BMPR1B: variants seen among roughly 807,000 people sequenced by gnomAD.
BMPR1B encodes the protein bone morphogenetic protein receptor type 1B.
In BMPR1B, 12 loss-of-function variants were observed where a neutral mutation model predicts 59.1. That is an observed-to-expected ratio of 0.20 (90% CI 0.13 to 0.33). BMPR1B has a LOEUF of 0.33. BMPR1B is among the 10% of genes least tolerant of loss of function. The pLI, the probability that BMPR1B is intolerant of heterozygous loss-of-function variation, is 1.00. For synonymous variants in BMPR1B, 237 were observed against 207.3 expected (o/e 1.14, Z -1.23); for missense variants, 550 against 610.9 (o/e 0.90, Z 1.05).
chr4:95,042,909 C>T (rs1725758662), intron 3 of BMPR1B, among the ~76,000 whole-genome samples: 1 of 152,022 alleles, frequency 6.6e-6, no homozygotes, highest in South Asian at 2.1e-4. Context: ...GGCGCGGTGG[C>T]TCACGCCTGT....
chr4:94,814,943 G>T (rs1290863768), intron 1 of BMPR1B, among the ~76,000 whole-genome samples: 1 of 150,864 alleles, frequency 6.6e-6, no homozygotes, highest in Admixed American at 6.6e-5. Flanking sequence ...CGCTCTTGTT[G>T]CCTAGGCTGG....
chr4:95,009,948 C>T (rs562790818), intron 3 of BMPR1B, among the ~76,000 whole-genome samples: 4 of 152,136 alleles, frequency 2.6e-5, no homozygotes, highest in East Asian at 3.9e-4. Flanking sequence ...ATAGTACAAC[C>T]GAGCGAGACC....
intron 10 of BMPR1B, among the ~76,000 whole-genome samples, chr4:95,139,496 G>A (rs1298882158): frequency 1.3e-5 from 2 of 152,232 alleles, no homozygotes; most frequent in Non-Finnish European, 2.9e-5. Context: ...TTGTTCAGCT[G>A]TACTCTGCCC....
At chr4:95,139,355 A>G (rs977428509) in intron 10 of BMPR1B, among the ~76,000 whole-genome samples, 2 of 152,156 alleles carry the variant, frequency 1.3e-5, no homozygotes, top group Non-Finnish European at 2.9e-5. Flanking sequence ...TAGGCTACTC[A>G]GGAGTCAGGG....
intron 2 of BMPR1B, among the ~76,000 whole-genome samples, chr4:94,976,653 G>C (rs1731045172): frequency 6.6e-6 from 1 of 152,122 alleles, no homozygotes; most frequent in African/African-American, 2.4e-5. Context: ...TTTGAATTAA[G>C]GTTCTTTGGA....
chr4:94,811,191 C>CCAAAA (rs1723799183), intron 1 of BMPR1B, among the ~76,000 whole-genome samples: 1 of 152,166 alleles, frequency 6.6e-6, no homozygotes, highest in Non-Finnish European at 1.5e-5. Flanking sequence ...GACATAAAGT[C>CCAAAA]CAGAACAGGT....
At chr4:95,033,531 C>T (rs1725030156) in intron 3 of BMPR1B, among the ~76,000 whole-genome samples, 1 of 151,944 alleles carries the variant, frequency 6.6e-6, no homozygotes, top group Admixed American at 6.6e-5. Context: ...TTTCCAATAC[C>T]ATTTGTTGGA....
intron 2 of BMPR1B, among the ~76,000 whole-genome samples, chr4:94,879,499 G>T (rs1010227243): frequency 4.6e-5 from 7 of 152,120 alleles, no homozygotes; most frequent in Non-Finnish European, 1.0e-4. Context: ...GCTACTCCAG[G>T]AGGCTGAGGC....
At chr4:94,829,860 A>G (rs1724512333) in intron 1 of BMPR1B, among the ~76,000 whole-genome samples, 1 of 152,208 alleles carries the variant, frequency 6.6e-6, no homozygotes, top group South Asian at 2.1e-4. Context: ...AAAATAGTGC[A>G]GAAGATTTGT....
intron 3 of BMPR1B, among the ~76,000 whole-genome samples, chr4:95,004,406 G>T (rs2149113632): frequency 6.6e-6 from 1 of 152,174 alleles, no homozygotes; most frequent in African/African-American, 2.4e-5. Flanking sequence ...ACACCTTATA[G>T]TTGATAAGCA....
intron 4 of BMPR1B, 46 bp from the exon 5 acceptor site, chr4:95,114,650 ACACACACACACACACACACTGACT>A: frequency 8.0e-7 from 1 of 1,251,884 alleles, no homozygotes; most frequent in Non-Finnish European, 1.2e-6. Flanking sequence ...CCCTAGACAC[ACACACACACACACACACACTGACT>A]CACACACACA....
intron 3 of BMPR1B, among the ~76,000 whole-genome samples, chr4:95,098,879 A>G (rs1205663824): frequency 6.6e-6 from 1 of 151,690 alleles, no homozygotes; most frequent in African/African-American, 2.4e-5. Context: ...ACCATGCCCG[A>G]CTAATTTTTT....
chr4:94,776,070 G>T (rs1361098387), intron 1 of BMPR1B, among the ~76,000 whole-genome samples: 1 of 143,544 alleles, frequency 7.0e-6, no homozygotes, highest in African/African-American at 2.6e-5. Context: ...TAGCCTGGGC[G>T]ACAGAGCAAG....
At chr4:95,070,972 T>C (rs115349655) in intron 3 of BMPR1B, among the ~76,000 whole-genome samples, 3,017 of 152,258 alleles carry the variant, frequency 0.02, 95 homozygotes, top group African/African-American at 0.065. Context: ...TACTTTTTCT[T>C]CTTCCTTTAG....
chr4:94,976,096 C>T (rs1021409633), intron 2 of BMPR1B, among the ~76,000 whole-genome samples: 1 of 152,204 alleles, frequency 6.6e-6, no homozygotes, highest in African/African-American at 2.4e-5. Context: ...GCTGAAGTAG[C>T]TGGGGCTAGT....
At chr4:95,018,868 G>A (rs769354292) in intron 3 of BMPR1B, among the ~76,000 whole-genome samples, 1 of 152,154 alleles carries the variant, frequency 6.6e-6, no homozygotes, top group Non-Finnish European at 1.5e-5. Context: ...CTTTTCTGCT[G>A]CTTCTTGCTA....
chr4:94,842,692 G>A (rs544629562), intron 1 of BMPR1B, among the ~76,000 whole-genome samples: 2 of 152,184 alleles, frequency 1.3e-5, no homozygotes, highest in South Asian at 2.1e-4. Flanking sequence ...ATTACATTTA[G>A]TCTGTGAATG....
intron 1 of BMPR1B, among the ~76,000 whole-genome samples, chr4:94,834,051 C>T (rs17428550): frequency 0.12 from 18,729 of 152,132 alleles, 1,210 homozygotes; most frequent in Non-Finnish European, 0.14. Flanking sequence ...TTATCTTAAA[C>T]GGATTAGATG....
chr4:95,038,182 A>C (rs1258271040), intron 3 of BMPR1B, among the ~76,000 whole-genome samples: 1 of 152,168 alleles, frequency 6.6e-6, no homozygotes, highest in Non-Finnish European at 1.5e-5. Context: ...AGGCAGAAGA[A>C]TCAGGAGACA....
Sources: gnomAD v4.1 joint callset for allele counts (sites outside exome capture counted in the v4.1 genomes callset) on GRCh38, gnomAD v4.1.1 for gene constraint, MANE v1.5 for transcripts, NCBI Gene and HGNC (gene_info 2026-07-23, HGNC 2026-07-21) for gene names.